OLA1: variants seen among roughly 807,000 people sequenced by gnomAD.
OLA1 encodes the protein Obg like ATPase 1, also known as obg-like ATPase 1.
Under a neutral mutation model 48.4 loss-of-function variants are expected in OLA1, and 14 were observed. The ratio of observed to expected loss-of-function variants is 0.29; its 90% CI spans 0.19 to 0.45. The LOEUF (loss-of-function observed/expected upper bound fraction) is 0.45, where lower values mean the gene tolerates loss of function less well. OLA1 is among the 20% of genes least tolerant of loss of function. OLA1 has a pLI of 1.00. For missense variants in OLA1, 325 were observed against 467.1 expected (o/e 0.70, Z 2.80); for synonymous variants, 127 against 150.4 (o/e 0.84, Z 1.14).
In OLA1 at chr2:174,079,107, C is replaced by G. The variant is rs750639206; in HGVS notation, c.967-17G>C. Reference sequence around the variant, plus strand: ...AGTCCCTTTCTTTGAAAAGAAAGACCAGAGAAAACTAATTGCATTTAAGAT... The same window carrying G: ...AGTCCCTTTCTTTGAAAAGAAAGACGAGAGAAAACTAATTGCATTTAAGAT... On this transcript the variant is annotated splice_polypyrimidine_tract_variant and intron_variant, in intron 9 of 10. Coordinates refer to ENST00000284719, the MANE Select transcript of OLA1 (RefSeq NM_013341.5). 1.3e-6 allele frequency: 2 copies of G among 1,572,194 alleles called. No individual in the cohort carries two copies.
At chr2:174,077,363 T>C (rs565762380) in intron 10 of OLA1, among the ~76,000 whole-genome samples, 33 of 150,176 alleles carry the variant, frequency 2.2e-4, no homozygotes, top group Admixed American at 9.3e-4. Context: ...CATACATACA[T>C]ACACACACAT....
intron 4 of OLA1, among the ~76,000 whole-genome samples, chr2:174,218,824 T>C (rs1688422777): frequency 6.6e-6 from 1 of 152,032 alleles, no homozygotes; most frequent in Admixed American, 6.6e-5. Context: ...ATTCTTTTAA[T>C]CTTTTTTATT....
chr2:174,109,173 G>A (rs1391804308), intron 7 of OLA1, among the ~76,000 whole-genome samples: 1 of 152,140 alleles, frequency 6.6e-6, no homozygotes, highest in Non-Finnish European at 1.5e-5. Flanking sequence ...AAGAAAGTAG[G>A]TATTATTAGC....
At chr2:174,222,681 CCTT>C (rs1186218531) in intron 4 of OLA1, among the ~76,000 whole-genome samples, 2 of 152,250 alleles carry the variant, frequency 1.3e-5, no homozygotes, top group Non-Finnish European at 2.9e-5. Context: ...AATTCTGCCT[CCTT>C]AACACACAGA....
chr2:174,123,734 A>C, intron 5 of OLA1, 59 bp from the exon 6 acceptor site: 2 of 875,102 alleles, frequency 2.3e-6, no homozygotes, highest in Non-Finnish European at 3.3e-6. Flanking sequence ...TAGATACTAA[A>C]TATTAAAAAG....
chr2:174,151,687 T>C (rs185918441), intron 4 of OLA1, among the ~76,000 whole-genome samples: 2 of 152,340 alleles, frequency 1.3e-5, no homozygotes, highest in East Asian at 3.9e-4. Context: ...AACTCCCTTA[T>C]AGTTCTCTAG....
intron 4 of OLA1, among the ~76,000 whole-genome samples, chr2:174,158,860 C>G (rs1169787895): frequency 6.6e-6 from 1 of 152,088 alleles, no homozygotes; most frequent in Non-Finnish European, 1.5e-5. Context: ...CTCTAAGAAT[C>G]ACCTCAAATT....
At chr2:174,098,970 CTTAAA>C (rs1685320713) in intron 7 of OLA1, among the ~76,000 whole-genome samples, 1 of 151,958 alleles carries the variant, frequency 6.6e-6, no homozygotes, top group South Asian at 2.1e-4. Context: ...TCTTTTCCTC[CTTAAA>C]TTATTCTGTC....
chr2:174,154,132 A>G (rs528784511), intron 4 of OLA1, among the ~76,000 whole-genome samples: 1 of 152,252 alleles, frequency 6.6e-6, no homozygotes, highest in South Asian at 2.1e-4. Flanking sequence ...CAGCTGCCCA[A>G]AGTGCTGGGA....
chr2:174,225,424 C>T (rs907170287), intron 3 of OLA1, among the ~76,000 whole-genome samples: 1 of 152,152 alleles, frequency 6.6e-6, no homozygotes, highest in African/African-American at 2.4e-5. Flanking sequence ...GTAGCACATG[C>T]CTGTAATCCC....
chr2:174,126,689 G>T (rs1686052318), intron 5 of OLA1, among the ~76,000 whole-genome samples: 1 of 152,288 alleles, frequency 6.6e-6, no homozygotes, highest in South Asian at 2.1e-4. Context: ...AAGATTAAAA[G>T]AGATAGTGCA....
rs1558975235 is a variant in OLA1 at position 174,144,950 on chromosome 2, A to AT, written c.374-2951_374-2950insA. On this transcript the variant is annotated intron_variant, in intron 4 of 10. Transcript: ENST00000284719. ...CTGTTTAAAAAAAAAAAAAAAAAAA[A>AT]AATATATATATATATATATATATAT... is the stretch of plus-strand genomic sequence containing the variant. 3.1e-3 allele frequency among the ~76,000 whole-genome samples: 199 copies of AT among 63,376 alleles called. 1 individual carries two copies. The highest frequency in any genetic ancestry group is 8.7e-3 in the African/African-American group (166 of 19,148). 41.6% of individuals were successfully genotyped at this position (63,376 alleles called of 152,430 possible). A position where few individuals can be genotyped will look rare whatever the true frequency, so the allele number is the denominator to read the frequency against.
intron 4 of OLA1, among the ~76,000 whole-genome samples, chr2:174,209,177 T>TA (rs1452763571): frequency 2.0e-5 from 3 of 152,224 alleles, no homozygotes; most frequent in Non-Finnish European, 4.4e-5. Context: ...TCACCCATCT[T>TA]ATAGTCTTCT....
intron 5 of OLA1, among the ~76,000 whole-genome samples, chr2:174,137,901 C>CATG (rs1686350679): frequency 6.6e-6 from 1 of 152,326 alleles, no homozygotes; most frequent in East Asian, 1.9e-4. Context: ...GTGGTACACA[C>CATG]CTATAATCCC....
At chr2:174,217,489 A>G (rs1307139625) in intron 4 of OLA1, among the ~76,000 whole-genome samples, 1 of 152,228 alleles carries the variant, frequency 6.6e-6, no homozygotes, top group African/African-American at 2.4e-5. Flanking sequence ...CCTAAAAGGA[A>G]AAGTATAAGA....
chr2:174,245,103 G>C (rs1689098395), intron 2 of OLA1, among the ~76,000 whole-genome samples: 1 of 152,166 alleles, frequency 6.6e-6, no homozygotes, highest in African/African-American at 2.4e-5. Context: ...TGAGAAGTAT[G>C]TCAATATCTC....
At chr2:174,138,114 T>G (rs1558971498) in intron 5 of OLA1, among the ~76,000 whole-genome samples, 1 of 152,270 alleles carries the variant, frequency 6.6e-6, no homozygotes, top group Non-Finnish European at 1.5e-5. Flanking sequence ...ACTTTTCCTT[T>G]GCATTCACAA....
chr2:174,206,819 T>C (rs16862468), intron 4 of OLA1, among the ~76,000 whole-genome samples: 16,750 of 152,156 alleles, frequency 0.11, 1,356 homozygotes, highest in African/African-American at 0.23. Flanking sequence ...GAATTTGTAC[T>C]GAAGAAACAA....
intron 7 of OLA1, among the ~76,000 whole-genome samples, chr2:174,090,478 C>T (rs996355799): frequency 3.3e-5 from 5 of 152,168 alleles, no homozygotes; most frequent in African/African-American, 1.2e-4. Context: ...AGCTGGCAAA[C>T]GGTTTGAGGG....
Sources: allele counts gnomAD v4.1 joint callset (sites outside exome capture counted in the v4.1 genomes callset), GRCh38; gene constraint gnomAD v4.1.1; transcripts MANE v1.5; gene names NCBI Gene and HGNC (gene_info 2026-07-23, HGNC 2026-07-21).